The following LGR6 variants were observed in gnomAD, a reference collection of about 807,000 sequenced individuals.
LGR6 encodes leucine-rich repeat-containing G protein-coupled receptor 6.
Under a neutral mutation model 69.4 loss-of-function variants are expected in LGR6, and 45 were observed. That is an observed-to-expected ratio of 0.65 (90% CI 0.51 to 0.83). The LOEUF is 0.83. Ranked by LOEUF, LGR6 falls within the 40% of genes least tolerant of loss-of-function variation. The pLI, the probability that LGR6 is intolerant of heterozygous loss-of-function variation, is 0.00. For missense variants in LGR6, 1,108 were observed against 1,246.7 expected (o/e 0.89, Z 1.68); for synonymous variants, 538 against 555.0 (o/e 0.97, Z 0.43).
chr1:202,223,937 AT>A (rs1432508441), intron 1 of LGR6, among the ~76,000 whole-genome samples: 1 of 150,926 alleles, frequency 6.6e-6, no homozygotes, highest in Non-Finnish European at 1.5e-5. Context: ...AGAAAAGCAA[AT>A]ATGTACCTTG....
chr1:202,291,248 C>T lies in LGR6; in HGVS notation c.717-6260C>T, dbSNP rs577719242. Among the ~76,000 whole-genome samples the T allele has an allele frequency of 2.5e-3, 385 of 152,238 alleles. 3 individuals carry two copies. The highest frequency in any genetic ancestry group is 0.012 in the South Asian group (59 of 4,822). On this transcript the variant is annotated intron_variant, in intron 6 of 17. Coordinates refer to ENST00000367278, the MANE Select transcript of LGR6 (RefSeq NM_001017403.2). ...TCCTTCCCCCTCTGCTTCTAGCTCCCGGGAGCAGGAGACAGAACAATGAAC... is the reference window on the plus strand; with the variant it reads ...TCCTTCCCCCTCTGCTTCTAGCTCCTGGGAGCAGGAGACAGAACAATGAAC...
intron 11 of LGR6, among the ~76,000 whole-genome samples, chr1:202,305,215 C>T (rs1667895821): frequency 6.6e-6 from 1 of 152,178 alleles, no homozygotes. Flanking sequence ...TTAGTAGGTC[C>T]TGTCCCCTCT....
intron 13 of LGR6, among the ~76,000 whole-genome samples, 184 bp from the exon 14 acceptor site, chr1:202,307,146 G>A (rs1653297064): frequency 6.6e-6 from 1 of 152,310 alleles, no homozygotes; most frequent in Admixed American, 6.5e-5. Context: ...AAGCTGTCAT[G>A]TCCCTGTTCC....
chr1:202,204,322 TCCTC>T (rs1658953757), intron 1 of LGR6, among the ~76,000 whole-genome samples: 1 of 36,066 alleles, frequency 2.8e-5, no homozygotes, highest in African/African-American at 1.1e-4. Flanking sequence ...AACACACACC[TCCTC>T]CTAACACACA....
At chr1:202,205,545 A>G (rs1320814294) in intron 1 of LGR6, among the ~76,000 whole-genome samples, 1 of 138,994 alleles carries the variant, frequency 7.2e-6, no homozygotes, top group African/African-American at 2.7e-5. Flanking sequence ...ACACACCTCC[A>G]AACACATATG....
chr1:202,247,536 T>G (rs1420201851), intron 4 of LGR6, among the ~76,000 whole-genome samples: 1 of 152,074 alleles, frequency 6.6e-6, no homozygotes, highest in African/African-American at 2.4e-5. Flanking sequence ...CTTGTACACA[T>G]GGGATGTAAA....
At chr1:202,276,133 C>G (rs1302562757) in intron 4 of LGR6, 173 bp from the exon 5 acceptor site, 1 of 586,874 alleles carries the variant, frequency 1.7e-6, no homozygotes, top group Non-Finnish European at 3.1e-6. Flanking sequence ...TGGAATGGAG[C>G]CAAATATGGG....
intron 5 of LGR6, among the ~76,000 whole-genome samples, chr1:202,277,440 T>C (rs781314699): frequency 2.0e-5 from 3 of 152,046 alleles, no homozygotes; most frequent in Non-Finnish European, 2.9e-5. Flanking sequence ...CCCTCCCTTC[T>C]TCTGGGAGTC....
intron 4 of LGR6, among the ~76,000 whole-genome samples, chr1:202,265,727 C>T (rs890612799): frequency 1.3e-5 from 2 of 152,236 alleles, no homozygotes; most frequent in Admixed American, 6.5e-5. Context: ...TCCCTGTTAG[C>T]TGTCACTTCC....
chr1:202,309,955 C>T (rs561628276), intron 15 of LGR6, among the ~76,000 whole-genome samples: 110 of 152,344 alleles, frequency 7.2e-4, no homozygotes, highest in African/African-American at 2.5e-3. Flanking sequence ...TTCCCCATCT[C>T]ACTTGCCAAG....
At chr1:202,248,649 C>T (rs985265) in intron 4 of LGR6, among the ~76,000 whole-genome samples, 77,206 of 151,982 alleles carry the variant, frequency 0.51, 20,652 homozygotes, top group African/African-American at 0.68. Flanking sequence ...GATGTGCTGC[C>T]GTGGCGTGGC....
intron 6 of LGR6, among the ~76,000 whole-genome samples, chr1:202,289,125 T>C (rs1165148372): frequency 6.6e-6 from 1 of 152,132 alleles, no homozygotes; most frequent in Non-Finnish European, 1.5e-5. Flanking sequence ...AGTACAATGA[T>C]CATCTTTGGA....
rs559702002 is a variant in LGR6, at chr1:202,214,522, C to T, written c.213-10901C>T. 1.1e-4 allele frequency among the ~76,000 whole-genome samples: 16 copies of T among 152,108 alleles called. No homozygotes were observed. The South Asian group carries it at 3.1e-3, about 30-fold the overall frequency. On this transcript the variant is annotated intron_variant, in intron 1 of 17. Coordinates refer to ENST00000367278, the MANE Select transcript of LGR6 (RefSeq NM_001017403.2). ...CCGCCCCCGGGGCCGCCGCTTAGCTCCCGGGTACGTGCGTGCAGCTAGGGG... is the reference window on the plus strand; with the variant it reads ...CCGCCCCCGGGGCCGCCGCTTAGCTTCCGGGTACGTGCGTGCAGCTAGGGG...
At chr1:202,194,655 G>A in intron 1 of LGR6, 1 of 498,852 alleles carries the variant, frequency 2.0e-6, no homozygotes, top group Non-Finnish European at 4.1e-6. Context: ...CTTCTGCCAT[G>A]GTGAGGACAA....
chr1:202,252,370 A>T (rs542251385), intron 4 of LGR6, among the ~76,000 whole-genome samples: 4 of 152,244 alleles, frequency 2.6e-5, no homozygotes, highest in African/African-American at 9.6e-5. Context: ...GAATAATTCC[A>T]TCTGACTCTG....
At chr1:202,278,713 C>CA (rs1429867372) in intron 5 of LGR6, among the ~76,000 whole-genome samples, 2 of 151,788 alleles carry the variant, frequency 1.3e-5, no homozygotes, top group African/African-American at 4.8e-5. Context: ...TGATGGGAAG[C>CA]AAAAAAGATA....
At position 202,235,926 on chromosome 1, in the gene LGR6, C is replaced by A; in HGVS notation, c.361C>A (p.Leu121Met). 6.2e-6 allele frequency: 10 copies of A among 1,613,972 alleles called. No individual in the cohort carries two copies. Among genetic ancestry groups the A allele is most frequent in the Non-Finnish European group, 7.6e-6 (9 of 1,179,942 alleles). Residue 121 changes from leucine to methionine, a missense_variant, in exon 4 of 18, where the codon CTG (leucine) becomes ATG (methionine). By Grantham distance (15) the Leu-to-Met change is conservative. Coordinates refer to ENST00000367278, the MANE Select transcript of LGR6 (RefSeq NM_001017403.2). ...SGLYSLKILM[L>M]QNNQLGGIPA... ...GCCCTTTCTCTTCTCCCGTAGGATG[C>A]TGCAGAACAATCAGCTGGGAGGAAT...
intron 4 of LGR6, among the ~76,000 whole-genome samples, chr1:202,244,737 G>A (rs994852318): frequency 6.6e-6 from 1 of 152,202 alleles, no homozygotes; most frequent in Admixed American, 6.5e-5. Flanking sequence ...ACAGGTTCTG[G>A]AAGTTGTATA....
At chr1:202,248,938 G>A (rs1286499878) in intron 4 of LGR6, among the ~76,000 whole-genome samples, 1 of 152,168 alleles carries the variant, frequency 6.6e-6, no homozygotes, top group Non-Finnish European at 1.5e-5. Flanking sequence ...GGGAGCCGAG[G>A]CACCACAGTT....
Sources: gnomAD v4.1 joint callset for allele counts (sites outside exome capture counted in the v4.1 genomes callset) on GRCh38, gnomAD v4.1.1 for gene constraint, MANE v1.5 for transcripts, NCBI Gene and HGNC (gene_info 2026-07-23, HGNC 2026-07-21) for gene names.